The following ANKS1A variants were observed in gnomAD, a reference collection of about 807,000 sequenced individuals.
ANKS1A encodes ankyrin repeat and sterile alpha motif domain containing 1A.
Under a neutral mutation model 120.3 loss-of-function variants are expected in ANKS1A, and 55 were observed. The observed-to-expected ratio is 0.46, with a 90% confidence interval of 0.37 to 0.57. The LOEUF (loss-of-function observed/expected upper bound fraction) is 0.57. Among genes scored for constraint, ANKS1A ranks in the 20% least tolerant of loss-of-function variants. The pLI is 0.00. For synonymous variants in ANKS1A, 590 were observed against 604.7 expected (o/e 0.98, Z 0.36); for missense variants, 1,123 against 1,480.3 (o/e 0.76, Z 3.96).
chr6:34,934,727 T>G (rs1210636524), intron 1 of ANKS1A, among the ~76,000 whole-genome samples: 1 of 152,242 alleles, frequency 6.6e-6, no homozygotes, highest in Non-Finnish European at 1.5e-5. Context: ...CTTCCCTTGC[T>G]CTTACACATG....
rs1239620990 is a variant in ANKS1A, at chr6:35,085,710, C to A, written c.3133-56C>A. On this transcript the variant is annotated intron_variant, in intron 21 of 23. Transcript: ENST00000360359. This position sits in a 1 kb window ranked among gnomAD's most constrained non-coding sequence, Gnocchi z 4.7. ...ATGGTCCCTGCGAGGAAGGGCATAT[C>A]CAGTGTGAAGCGGCTCCTGAACCAG... 29 of 1,520,856 alleles carry A rather than the reference C, an allele frequency of 1.9e-5. No homozygotes were observed. The highest frequency in any genetic ancestry group is 4.3e-5 in the Admixed American group (2 of 46,986). 94.2% of individuals were successfully genotyped at this position (1,520,856 alleles called of 1,614,324 possible). A position where few individuals can be genotyped will look rare whatever the true frequency, so the allele number is the denominator to read the frequency against.
At chr6:34,904,529 T>C (rs1401125338) in intron 1 of ANKS1A, among the ~76,000 whole-genome samples, 3 of 151,994 alleles carry the variant, frequency 2.0e-5, no homozygotes, top group East Asian at 3.9e-4. Context: ...GTCAAGAGAT[T>C]GAGACCATCC....
intron 10 of ANKS1A, among the ~76,000 whole-genome samples, chr6:35,012,119 T>A (rs1773791909): frequency 6.6e-6 from 1 of 152,172 alleles, no homozygotes; most frequent in South Asian, 2.1e-4. Context: ...GAGAGGTCCT[T>A]TAATCACAGA....
At chr6:35,053,950 G>A in intron 11 of ANKS1A, 149 bp from the exon 12 acceptor site, 1 of 673,090 alleles carries the variant, frequency 1.5e-6, no homozygotes, top group Admixed American at 2.3e-5. Context: ...GACCTGAGCA[G>A]CAGAGTCCTG....
chr6:35,082,849 C>CCT lies in ANKS1A; in HGVS notation c.2835+35_2835+36dup. ...GCTCCCACCCTCCCAGCAGGGCCGG[C>CCT]CTCCCTGCTCCTTCTCGGCCAGGCA... On this transcript the variant is annotated intron_variant, in intron 18 of 23. Transcript: ENST00000360359. This position sits in a 1 kb window ranked among gnomAD's most constrained non-coding sequence, Gnocchi z 4.1. The CCT allele has an allele frequency of 6.3e-7, 1 of 1,591,608 alleles. No homozygotes were observed. Among genetic ancestry groups the CCT allele is most frequent in the Non-Finnish European group, 8.6e-7 (1 of 1,169,090 alleles).
In ANKS1A at chr6:35,091,349, A is replaced by G. The variant is rs1778295407; in HGVS notation, c.*2740A>G. 3 of 985,518 alleles carry G rather than the reference A, an allele frequency of 3.0e-6. No individual in the cohort carries two copies. The highest frequency in any genetic ancestry group is 4.7e-5 in the South Asian group (1 of 21,296). The allele number at this position is 985,518 out of a possible 1,614,324, so 61.0% of individuals were successfully genotyped here. A position where few individuals can be genotyped will look rare whatever the true frequency, so the allele number is the denominator to read the frequency against. The stretch of plus-strand genomic sequence containing the variant: ...TTCCAGCTTTGGTTTTGTTATTTTC[A>G]TAACTGTACACAACTTAGAACAGAC... On this transcript the variant is annotated 3_prime_UTR_variant, in exon 24 of 24. Coordinates refer to ENST00000360359, the MANE Select transcript of ANKS1A (RefSeq NM_015245.3).
At position 34,984,138 on chromosome 6, in the gene ANKS1A, A is replaced by G. The variant is rs558292986; in HGVS notation, c.1012+713A>G. On this transcript the variant is annotated intron_variant, in intron 7 of 23. Coordinates refer to ENST00000360359, the MANE Select transcript of ANKS1A (RefSeq NM_015245.3). ...CTGATTGGTAGGGGGGTACATGGCA[A>G]ATTTTGATAATATATCATATGAGCA... Among the ~76,000 whole-genome samples the G allele has an allele frequency of 1.1e-4, 16 of 152,246 alleles. 1 individual carries two copies. The South Asian group carries it at 2.3e-3, about 22-fold the overall frequency.
At chr6:34,942,210 GC>G (rs989967746) in intron 1 of ANKS1A, among the ~76,000 whole-genome samples, 1 of 152,156 alleles carries the variant, frequency 6.6e-6, no homozygotes, top group Non-Finnish European at 1.5e-5. Context: ...TGAGCGCTAG[GC>G]CAAACCTTGG....
intron 1 of ANKS1A, among the ~76,000 whole-genome samples, chr6:34,963,706 A>C (rs1173321387): frequency 6.6e-6 from 1 of 152,244 alleles, no homozygotes; most frequent in Non-Finnish European, 1.5e-5. Context: ...TGTTTTCTGT[A>C]AATGGCTGTA....
At chr6:34,996,599 A>T (rs550131323) in intron 10 of ANKS1A, among the ~76,000 whole-genome samples, 1 of 151,962 alleles carries the variant, frequency 6.6e-6, no homozygotes, top group Admixed American at 6.6e-5. Context: ...CAGCCTCCCG[A>T]GTAGCTGAGT....
chr6:34,952,159 A>T (rs116036338), intron 1 of ANKS1A, among the ~76,000 whole-genome samples: 2,233 of 152,234 alleles, frequency 0.015, 44 homozygotes, highest in African/African-American at 0.047. Context: ...ATGCTTGTCA[A>T]TTTCCTAGGG....
At chr6:34,907,406 T>C (rs1171062197) in intron 1 of ANKS1A, among the ~76,000 whole-genome samples, 1 of 152,194 alleles carries the variant, frequency 6.6e-6, no homozygotes, top group Non-Finnish European at 1.5e-5. Context: ...TATAACAAAA[T>C]CCTTGTATAC....
intron 1 of ANKS1A, among the ~76,000 whole-genome samples, chr6:34,929,235 T>G (rs1768858329): frequency 6.6e-6 from 1 of 152,214 alleles, no homozygotes; most frequent in African/African-American, 2.4e-5. Flanking sequence ...TTTTTGTATG[T>G]GGTGGTAGTA....
chr6:35,008,491 A>T (rs1344858800), intron 10 of ANKS1A, among the ~76,000 whole-genome samples: 1 of 152,230 alleles, frequency 6.6e-6, no homozygotes, highest in East Asian at 1.9e-4. Flanking sequence ...TCACAGGCAC[A>T]AGCCACTGCA....
At chr6:34,994,444 GC>G (rs778143238) in intron 10 of ANKS1A, 22 bp downstream of exon 10, 49 of 1,606,978 alleles carry the variant, frequency 3.0e-5, no homozygotes, top group Non-Finnish European at 3.7e-5. Context: ...ACAACTCCTG[GC>G]AGAACCAACT....
intron 10 of ANKS1A, among the ~76,000 whole-genome samples, chr6:35,005,611 T>C (rs974457368): frequency 3.9e-5 from 6 of 152,248 alleles, no homozygotes; most frequent in Admixed American, 1.3e-4. Flanking sequence ...ATGTTATGTG[T>C]GCTACACCTT....
At chr6:35,083,352 G>A in intron 19 of ANKS1A, 65 bp from the exon 20 acceptor site, 1 of 1,599,094 alleles carries the variant, frequency 6.3e-7, no homozygotes, top group South Asian at 1.1e-5. Flanking sequence ...GCTGGGACCT[G>A]TGGAAGCCCA....
rs1398981199 is a variant in ANKS1A at position 34,889,752 on chromosome 6, C to T, written c.197+153C>T. 1.3e-5 allele frequency among the ~76,000 whole-genome samples: 2 copies of T among 151,928 alleles called. No individual in the cohort carries two copies. Among genetic ancestry groups the T allele is most frequent in the African/African-American group, 4.8e-5 (2 of 41,376 alleles). On this transcript the variant is annotated intron_variant, in intron 1 of 23. Coordinates refer to ENST00000360359, the MANE Select transcript of ANKS1A (RefSeq NM_015245.3). This position sits in a 1 kb window ranked among gnomAD's most constrained non-coding sequence, Gnocchi z 5.5. ...GCAGGCGGCCCGCGGGCCAGGGTAC[C>T]GGAGGGCGCGCAGGTCCGAGTCCAC... is the stretch of plus-strand genomic sequence containing the variant.
At chr6:34,895,161 A>G (rs1767008128) in intron 1 of ANKS1A, among the ~76,000 whole-genome samples, 1 of 151,744 alleles carries the variant, frequency 6.6e-6, no homozygotes. Context: ...CATTGTTGTA[A>G]AGAAAGCTTC....
Sources: gnomAD v4.1 joint callset for allele counts (sites outside exome capture counted in the v4.1 genomes callset) on GRCh38, gnomAD v4.1.1 for gene constraint, Gnocchi (gnomAD v3.1) non-coding constraint, MANE v1.5 for transcripts, NCBI Gene and HGNC (gene_info 2026-07-23, HGNC 2026-07-21) for gene names.